The following HOMER1 variants were observed in gnomAD, a reference collection of about 807,000 sequenced individuals.
HOMER1 encodes homer protein homolog 1.
A neutral mutation model predicts 48.9 loss-of-function variants in HOMER1; 3 were observed. That is an observed-to-expected ratio of 0.06 (90% CI 0.03 to 0.16). The LOEUF is 0.16. Among genes scored for constraint, HOMER1 ranks in the 10% least tolerant of loss-of-function variants. The pLI, the probability that HOMER1 is intolerant of heterozygous loss-of-function variation, is 1.00. For synonymous variants in HOMER1, 134 were observed against 146.4 expected, an observed-to-expected ratio of 0.92 and a Z score of 0.61; for missense variants, 247 against 411.4, an observed-to-expected ratio of 0.60 and a Z score of 3.46.
intron 4 of HOMER1, among the ~76,000 whole-genome samples, chr5:79,445,681 A>G (rs1240774334): frequency 6.6e-6 from 1 of 152,230 alleles, no homozygotes; most frequent in Non-Finnish European, 1.5e-5. Context: ...GCATTTTGGG[A>G]GGCCAAGGCA....
At chr5:79,492,433 C>T (rs1435064476) in intron 1 of HOMER1, among the ~76,000 whole-genome samples, 1 of 151,878 alleles carries the variant, frequency 6.6e-6, no homozygotes, top group East Asian at 1.9e-4. Flanking sequence ...CAGTAAGAAT[C>T]AGAACAATGT....
chr5:79,512,987 G>A lies in HOMER1; in HGVS notation c.-213C>T, dbSNP rs978150137. On this transcript the variant is annotated 5_prime_UTR_variant, in exon 1 of 9. Transcript: ENST00000334082. ...ATACCAAAACGTTCAAACAGAGGCG[G>A]CATTTGCTTATTCGAGTTAAAATGC... The A allele has an allele frequency of 5.1e-6, 3 of 582,660 alleles. No individual in the cohort carries two copies. Among genetic ancestry groups the A allele is most frequent in the Non-Finnish European group, 9.2e-6 (3 of 327,520 alleles). The allele number at this position is 582,660 out of a possible 1,614,324, so 36.1% of individuals were successfully genotyped here.
At chr5:79,398,332 T>G (rs992083998) in intron 6 of HOMER1, among the ~76,000 whole-genome samples, 1 of 127,434 alleles carries the variant, frequency 7.8e-6, no homozygotes, top group Non-Finnish European at 1.7e-5. Flanking sequence ...CACACACACA[T>G]GCACACACAC....
At chr5:79,510,630 G>A (rs1029540069) in intron 1 of HOMER1, 4 of 916,554 alleles carry the variant, frequency 4.4e-6, no homozygotes, top group South Asian at 1.3e-5. Context: ...AAGGCCATGA[G>A]TGCACATGCC....
At chr5:79,485,383 CAT>C (rs900578073) in intron 1 of HOMER1, among the ~76,000 whole-genome samples, 12 of 152,260 alleles carry the variant, frequency 7.9e-5, no homozygotes, top group African/African-American at 2.6e-4. Flanking sequence ...AACATTTTTA[CAT>C]ATGTTTTTCT....
intron 8 of HOMER1, among the ~76,000 whole-genome samples, chr5:79,394,172 T>C (rs1027360856): frequency 6.6e-6 from 1 of 152,172 alleles, no homozygotes; most frequent in Non-Finnish European, 1.5e-5. Context: ...AATTTACCAA[T>C]AACTATACAT....
chr5:79,431,556 G>A (rs374996204), intron 5 of HOMER1, among the ~76,000 whole-genome samples: 4 of 152,172 alleles, frequency 2.6e-5, no homozygotes, highest in African/African-American at 9.6e-5. Flanking sequence ...TCACTGTGGT[G>A]ATGGTTATAC....
intron 3 of HOMER1, among the ~76,000 whole-genome samples, chr5:79,447,546 G>A (rs1580456888): frequency 1.3e-5 from 2 of 152,042 alleles, no homozygotes; most frequent in South Asian, 2.1e-4. Context: ...AAACATCACA[G>A]TATTTAGAAA....
chr5:79,408,955 G>A (rs377539315), intron 5 of HOMER1, among the ~76,000 whole-genome samples: 5 of 151,494 alleles, frequency 3.3e-5, no homozygotes, highest in East Asian at 3.9e-4. Context: ...GGTGGTGGGC[G>A]CCTGTAATCC....
intron 5 of HOMER1, among the ~76,000 whole-genome samples, chr5:79,413,905 T>G (rs1459391739): frequency 1.3e-5 from 2 of 152,114 alleles, no homozygotes; most frequent in African/African-American, 4.8e-5. Context: ...ATACTTATTG[T>G]CAAAAGGACC....
chr5:79,485,077 TAAAACAAAACAAAACAAAAC>T (rs70975755), intron 1 of HOMER1, among the ~76,000 whole-genome samples: 2 of 149,298 alleles, frequency 1.3e-5, no homozygotes, highest in African/African-American at 5.0e-5. Context: ...GTGTCAAAAG[TAAAACAAAACAAAACAAAAC>T]AAAACAAAAC....
chr5:79,445,988 G>A (rs973338079), intron 4 of HOMER1, among the ~76,000 whole-genome samples: 2 of 152,188 alleles, frequency 1.3e-5, no homozygotes, highest in African/African-American at 2.4e-5. Flanking sequence ...GCACGTGCAT[G>A]TATTTTAACT....
At chr5:79,491,421 A>T (rs1752273158) in intron 1 of HOMER1, among the ~76,000 whole-genome samples, 1 of 138,330 alleles carries the variant, frequency 7.2e-6, no homozygotes, top group Non-Finnish European at 1.5e-5. Flanking sequence ...CCTGGATGAC[A>T]GAGCGAGACC....
At chr5:79,424,277 G>A (rs185381161) in intron 5 of HOMER1, among the ~76,000 whole-genome samples, 43 of 152,010 alleles carry the variant, frequency 2.8e-4, no homozygotes, top group African/African-American at 9.6e-4. Context: ...ACTTATTGGT[G>A]TTAGATTCCA....
intron 1 of HOMER1, among the ~76,000 whole-genome samples, chr5:79,458,636 A>G (rs906797903): frequency 2.0e-5 from 3 of 152,088 alleles, no homozygotes; most frequent in Admixed American, 1.3e-4. Context: ...GCACTTTCCT[A>G]GTTTTATTTC....
chr5:79,472,422 C>A (rs1751647224), intron 1 of HOMER1, among the ~76,000 whole-genome samples: 2 of 152,060 alleles, frequency 1.3e-5, no homozygotes, highest in African/African-American at 4.8e-5. Context: ...CAGATTTGTG[C>A]ACTTTACTGA....
At chr5:79,392,300 C>T (rs1259907256) in intron 8 of HOMER1, among the ~76,000 whole-genome samples, 1 of 152,108 alleles carries the variant, frequency 6.6e-6, no homozygotes, top group Non-Finnish European at 1.5e-5. Context: ...ATGACAGCTC[C>T]ATGCCTGTTA....
intron 1 of HOMER1, among the ~76,000 whole-genome samples, chr5:79,498,452 T>C (rs1196734057): frequency 6.6e-6 from 1 of 152,182 alleles, no homozygotes; most frequent in South Asian, 2.1e-4. Flanking sequence ...CATTAGAGTA[T>C]CACAGTTGCT....
At chr5:79,401,367 C>T (rs1386076421) in intron 6 of HOMER1, among the ~76,000 whole-genome samples, 1 of 152,082 alleles carries the variant, frequency 6.6e-6, no homozygotes, top group East Asian at 1.9e-4. Context: ...GATGAGAATA[C>T]TGAGCTGGAA....
Sources: gnomAD v4.1 joint callset for allele counts (sites outside exome capture counted in the v4.1 genomes callset) on GRCh38, gnomAD v4.1.1 for gene constraint, MANE v1.5 for transcripts, NCBI Gene and HGNC (gene_info 2026-07-23, HGNC 2026-07-21) for gene names.